Variants in LSM14A observed in about 807,000 individuals in gnomAD.
LSM14A encodes protein LSM14 homolog A.
LSM14A carries 14 observed loss-of-function variants against 52.4 expected under a neutral mutation model. That is an observed-to-expected ratio of 0.27 (90% CI 0.18 to 0.42). The LOEUF (loss-of-function observed/expected upper bound fraction) is 0.42. LSM14A is among the 10% of genes least tolerant of loss of function. LSM14A has a pLI of 1.00. For missense variants in LSM14A, 417 were observed against 581.8 expected (o/e 0.72, Z 2.91); for synonymous variants, 185 against 200.3 (o/e 0.92, Z 0.64).
In LSM14A at chr19:34,219,732, C is replaced by A; in HGVS notation, c.991C>A (p.Pro331Thr). 6.2e-7 allele frequency: 1 copy of A among 1,611,628 alleles called. No homozygotes were observed. Among genetic ancestry groups the A allele is most frequent in the Non-Finnish European group, 8.5e-7 (1 of 1,179,418 alleles). ...KEDKLEKQEK[P>T]VNGEDKGDSG... is the part of the protein sequence containing the mutation. ...AGATAAACTTGAGAAACAGGAGAAG[C>A]CTGTAAATGGTGAAGATAAAGGAGA... Residue 331 changes from proline to threonine, a missense_variant, in exon 8 of 10, where the codon CCT becomes ACT. Physicochemically the swap from Pro to Thr is conservative, Grantham distance 38 (BLOSUM62 -1). This residue lies in a region of LSM14A where 357 missense variants were observed against 457.0 expected (regional missense o/e 0.78). Transcript: ENST00000544216.
At chr19:34,202,656 T>G (rs2071386099) in intron 3 of LSM14A, among the ~76,000 whole-genome samples, 1 of 152,108 alleles carries the variant, frequency 6.6e-6, no homozygotes, top group South Asian at 2.1e-4. Context: ...TTGAGAAGAA[T>G]AATATACCAG....
intron 1 of LSM14A, among the ~76,000 whole-genome samples, chr19:34,176,711 G>A (rs931220245): frequency 5.9e-5 from 9 of 152,158 alleles, no homozygotes; most frequent in Non-Finnish European, 1.0e-4. Context: ...GCAGTTTGGG[G>A]CTATTATAAA....
intron 3 of LSM14A, among the ~76,000 whole-genome samples, chr19:34,201,259 A>G (rs1473207655): frequency 6.6e-6 from 1 of 152,208 alleles, no homozygotes; most frequent in Non-Finnish European, 1.5e-5. Context: ...TTAGAAAACT[A>G]GTGTTAGAAG....
intron 2 of LSM14A, among the ~76,000 whole-genome samples, chr19:34,196,416 T>C (rs1444582216): frequency 6.6e-6 from 1 of 152,322 alleles, no homozygotes; most frequent in Admixed American, 6.5e-5. Context: ...TAGAAAAAAG[T>C]ATTTGTAAGT....
At chr19:34,192,187 T>C (rs922541280) in intron 1 of LSM14A, among the ~76,000 whole-genome samples, 21 of 152,256 alleles carry the variant, frequency 1.4e-4, no homozygotes, top group African/African-American at 4.8e-4. Context: ...TTCTTTCCTT[T>C]AGTTTTAGGG....
At position 34,219,429 on chromosome 19, in the gene LSM14A, G is replaced by T. The variant is rs545211049; in HGVS notation, c.820G>T (p.Gly274Cys). ...TTCAGCTCCAAGGAGAGGGCGTGGGGGTCATCGGGGTGGCAGGGGAAGATT... is the reference window on the plus strand; with the variant it reads ...TTCAGCTCCAAGGAGAGGGCGTGGGTGTCATCGGGGTGGCAGGGGAAGATT... ...APSAPRRGRG[G>C]HRGGRGRFGI... The change falls in exon 7 of 10, where the codon GGT becomes TGT. Residue 274 changes from glycine to cysteine, a missense_variant. By Grantham distance (159) the Gly-to-Cys change is radical (BLOSUM62 -3). Coordinates refer to ENST00000544216, the MANE Select transcript of LSM14A (RefSeq NM_015578.4). 6.8e-6 allele frequency: 11 copies of T among 1,613,872 alleles called. 1 individual carries two copies. In the South Asian group the frequency reaches 1.2e-4, roughly 18 times the overall value.
chr19:34,184,101 G>C (rs1234406668), intron 1 of LSM14A, among the ~76,000 whole-genome samples: 1 of 147,888 alleles, frequency 6.8e-6, no homozygotes, highest in Non-Finnish European at 1.5e-5. Flanking sequence ...TGTCACCCAG[G>C]CTGGAGTGCA....
chr19:34,207,154 A>G (rs1031936909), intron 3 of LSM14A, among the ~76,000 whole-genome samples: 2 of 152,224 alleles, frequency 1.3e-5, no homozygotes, highest in African/African-American at 2.4e-5. Context: ...TGGTAGTAGA[A>G]TTGGAGTAGA....
At chr19:34,176,526 A>G (rs1429421591) in intron 1 of LSM14A, among the ~76,000 whole-genome samples, 1 of 152,142 alleles carries the variant, frequency 6.6e-6, no homozygotes, top group Non-Finnish European at 1.5e-5. Flanking sequence ...TTTACCATAT[A>G]AGTTTACATC....
intron 1 of LSM14A, among the ~76,000 whole-genome samples, chr19:34,192,075 A>T (rs1466031648): frequency 6.6e-6 from 1 of 152,134 alleles, no homozygotes; most frequent in Non-Finnish European, 1.5e-5. Context: ...TTTCAGTTTC[A>T]ACTAACTCAT....
chr19:34,225,437 C>T (rs1395069749), intron 9 of LSM14A, among the ~76,000 whole-genome samples: 1 of 152,170 alleles, frequency 6.6e-6, no homozygotes, highest in African/African-American at 2.4e-5. Context: ...AAACATCTAA[C>T]ACTTCCTCCC....
rs1206467367 is a variant in LSM14A, at chr19:34,203,852, T to G, written c.416-5077T>G. 4.5e-5 allele frequency among the ~76,000 whole-genome samples: 6 copies of G among 132,600 alleles called. No individual in the cohort carries two copies. The East Asian group carries it at 1.1e-3, about 24-fold the overall frequency. 87.0% of individuals were successfully genotyped at this position (132,600 alleles called of 152,430 possible). ...TTGTTAAAGATCTACTTTGGTAAAATGTGAAGGAATTAAACATTCCAGTTA... is the reference window on the plus strand; with the variant it reads ...TTGTTAAAGATCTACTTTGGTAAAAGGTGAAGGAATTAAACATTCCAGTTA... On this transcript the variant is annotated intron_variant, in intron 3 of 9. Coordinates refer to ENST00000544216, the MANE Select transcript of LSM14A (RefSeq NM_015578.4).
intron 1 of LSM14A, among the ~76,000 whole-genome samples, chr19:34,192,971 T>TC (rs1336767926): frequency 6.6e-6 from 1 of 151,340 alleles, no homozygotes; most frequent in Non-Finnish European, 1.5e-5. Flanking sequence ...AGAATGAAAC[T>TC]CCATCTCAAA....
chr19:34,175,884 G>A (rs544377784), intron 1 of LSM14A, among the ~76,000 whole-genome samples: 1 of 152,034 alleles, frequency 6.6e-6, no homozygotes, highest in Admixed American at 6.5e-5. Flanking sequence ...TTGAGACAGA[G>A]TCTTGCTCTT....
In LSM14A at chr19:34,221,740, T is replaced by TTGCTGC; in HGVS notation, c.1368+2_1368+3insTGCTGC. ...GAGTTTGCGGATTTTGAATATAGGG[T>TTGCTGC]AAGTGTTACTGTTAATAAATTCTTT... On this transcript the variant is annotated splice_region_variant and intron_variant, in intron 9 of 9. Coordinates refer to ENST00000544216, the MANE Select transcript of LSM14A (RefSeq NM_015578.4). 1 of 1,604,834 alleles carries TTGCTGC rather than the reference T, an allele frequency of 6.2e-7. No homozygotes were observed. Among genetic ancestry groups the TTGCTGC allele is most frequent in the African/African-American group, 1.3e-5 (1 of 74,772 alleles).
At chr19:34,190,323 G>A (rs1316799191) in intron 1 of LSM14A, among the ~76,000 whole-genome samples, 1 of 152,012 alleles carries the variant, frequency 6.6e-6, no homozygotes, top group Non-Finnish European at 1.5e-5. Flanking sequence ...CAAACTCTTG[G>A]TGTGTGCAAA....
intron 3 of LSM14A, among the ~76,000 whole-genome samples, chr19:34,203,259 T>C (rs1415770008): frequency 6.6e-6 from 1 of 152,202 alleles, no homozygotes; most frequent in African/African-American, 2.4e-5. Context: ...CTCCAGTTGA[T>C]TGTTTAAGTC....
At chr19:34,205,098 C>G (rs1435890301) in intron 3 of LSM14A, among the ~76,000 whole-genome samples, 1 of 152,086 alleles carries the variant, frequency 6.6e-6, no homozygotes, top group Non-Finnish European at 1.5e-5. Flanking sequence ...CGTCACTACA[C>G]TCCAGCCTGG....
intron 1 of LSM14A, 46 bp downstream of exon 1, chr19:34,172,809 T>A (rs766088876): frequency 1.3e-6 from 2 of 1,513,514 alleles, no homozygotes; most frequent in South Asian, 2.5e-5. Context: ...CGGGCGCCGC[T>A]CGGGGCTGCT....
Sources: gnomAD v4.1 joint callset for allele counts (sites outside exome capture counted in the v4.1 genomes callset) on GRCh38, gnomAD v4.1.1 for gene constraint, gnomAD v4.1.1 regional missense constraint, MANE v1.5 for transcripts, NCBI Gene and HGNC (gene_info 2026-07-23, HGNC 2026-07-21) for gene names.